AKT3: variants seen among roughly 807,000 people sequenced by gnomAD.
AKT3 encodes AKT serine/threonine kinase 3, also known as RAC-gamma serine/threonine-protein kinase.
In AKT3, 15 loss-of-function variants were observed where a neutral mutation model predicts 65.3. The ratio of observed to expected loss-of-function variants is 0.23; its 90% CI spans 0.15 to 0.35. The LOEUF is 0.35. Ranked by LOEUF, AKT3 falls within the 10% of genes least tolerant of loss-of-function variation. AKT3 has a pLI of 1.00. For missense variants in AKT3, 243 were observed against 576.5 expected (o/e 0.42, Z 5.92); for synonymous variants, 206 against 183.8 (o/e 1.12, Z -0.98).
intron 6 of AKT3, among the ~76,000 whole-genome samples, chr1:243,635,913 T>C (rs1679939347): frequency 6.6e-6 from 1 of 152,046 alleles, no homozygotes; most frequent in African/African-American, 2.4e-5. Flanking sequence ...ATATTTTCTT[T>C]CAAGAAACGA....
intron 2 of AKT3, among the ~76,000 whole-genome samples, chr1:243,737,826 A>G (rs1386163583): frequency 6.6e-6 from 1 of 152,212 alleles, no homozygotes; most frequent in Non-Finnish European, 1.5e-5. Context: ...TCTAATCTAG[A>G]ATAAAAATCA....
intron 2 of AKT3, among the ~76,000 whole-genome samples, chr1:243,712,889 C>G (rs1481825399): frequency 6.6e-6 from 1 of 152,104 alleles, no homozygotes; most frequent in African/African-American, 2.4e-5. Context: ...AAATATACAA[C>G]CAACTCATTA....
At chr1:243,690,554 A>G (rs1453218121) in intron 3 of AKT3, among the ~76,000 whole-genome samples, 2 of 152,150 alleles carry the variant, frequency 1.3e-5, no homozygotes, top group East Asian at 3.8e-4. Context: ...CCTATATATT[A>G]ATAGTTCTTA....
chr1:243,825,241 G>A (rs939783795), intron 2 of AKT3, among the ~76,000 whole-genome samples: 1 of 152,196 alleles, frequency 6.6e-6, no homozygotes, highest in Non-Finnish European at 1.5e-5. Context: ...AACACACACT[G>A]TGGCCTGTCA....
chr1:243,534,307 T>G (rs1242788456), intron 12 of AKT3, among the ~76,000 whole-genome samples: 2 of 152,188 alleles, frequency 1.3e-5, no homozygotes, highest in African/African-American at 2.4e-5. Context: ...TAATGATACC[T>G]GGGCCAATTC....
intron 2 of AKT3, among the ~76,000 whole-genome samples, chr1:243,761,200 A>G (rs1405183748): frequency 2.0e-5 from 3 of 152,218 alleles, no homozygotes; most frequent in East Asian, 3.9e-4. Flanking sequence ...TACTCTATGT[A>G]CAAGAAAACA....
chr1:243,496,403 T>C (rs1417366784), downstream of AKT3, among the ~76,000 whole-genome samples: 1 of 152,178 alleles, frequency 6.6e-6, no homozygotes, highest in Non-Finnish European at 1.5e-5. Context: ...AGGGCCAGCT[T>C]TGAAATGCCC....
intron 4 of AKT3, among the ~76,000 whole-genome samples, chr1:243,659,303 G>T (rs1682084743): frequency 6.6e-6 from 1 of 152,144 alleles, no homozygotes; most frequent in African/African-American, 2.4e-5. Flanking sequence ...GGGAACAGAG[G>T]TTCAGTCATG....
At chr1:243,628,412 T>C (rs1462681948) in intron 6 of AKT3, among the ~76,000 whole-genome samples, 1 of 152,036 alleles carries the variant, frequency 6.6e-6, no homozygotes, top group Non-Finnish European at 1.5e-5. Flanking sequence ...CAATCCCGCA[T>C]CTCAGCCAAA....
At chr1:243,664,346 G>C (rs1025427423) in intron 4 of AKT3, among the ~76,000 whole-genome samples, 2 of 151,208 alleles carry the variant, frequency 1.3e-5, no homozygotes, top group Admixed American at 6.6e-5. Context: ...ACAGGCGCCC[G>C]CCACCACGCC....
intron 3 of AKT3, among the ~76,000 whole-genome samples, chr1:243,688,920 T>C (rs528663984): frequency 1.9e-4 from 29 of 152,292 alleles, no homozygotes; most frequent in African/African-American, 7.0e-4. Context: ...TGCCTTCATT[T>C]GTTTGCTTAT....
At chr1:243,545,665 T>C (rs1672614231) in intron 11 of AKT3, 68 bp from the exon 12 acceptor site, 3 of 1,178,762 alleles carry the variant, frequency 2.5e-6, no homozygotes, top group Non-Finnish European at 3.7e-6. Context: ...TAACAAAAAA[T>C]ATTTTGTGAA....
rs1669508454 is a variant in AKT3, at chr1:243,503,959, A to G, written c.*1290T>C. On this transcript the variant is annotated 3_prime_UTR_variant, in exon 14 of 14. Transcript: ENST00000673466. Reference sequence around the variant, plus strand: ...GCAAACGTCAACAGCTATTTGTTTCATTAACCCCTTGGCATGCATAGTTGG... The same window carrying G: ...GCAAACGTCAACAGCTATTTGTTTCGTTAACCCCTTGGCATGCATAGTTGG... The G allele has an allele frequency of 4.4e-6, 1 of 226,260 alleles. No individual in the cohort carries two copies. Among genetic ancestry groups the G allele is most frequent in the Non-Finnish European group, 8.8e-6 (1 of 113,476 alleles). 14.0% of individuals were successfully genotyped at this position (226,260 alleles called of 1,614,324 possible).
intron 2 of AKT3, among the ~76,000 whole-genome samples, chr1:243,717,488 A>G (rs1430975656): frequency 6.6e-6 from 1 of 152,232 alleles, no homozygotes; most frequent in Non-Finnish European, 1.5e-5. Flanking sequence ...ACTAGTTCCC[A>G]CATGTCATTA....
intron 3 of AKT3, among the ~76,000 whole-genome samples, chr1:243,685,996 C>T (rs1278817636): frequency 6.6e-6 from 1 of 152,108 alleles, no homozygotes; most frequent in African/African-American, 2.4e-5. Context: ...GAGTGAACTC[C>T]TATTCACAAT....
intron 2 of AKT3, among the ~76,000 whole-genome samples, chr1:243,800,742 T>G (rs1046974713): frequency 6.7e-6 from 1 of 150,306 alleles, no homozygotes; most frequent in African/African-American, 2.4e-5. Flanking sequence ...AGAGAGATTA[T>G]GTATAATAAT....
chr1:243,678,798 T>G (rs1157331736), intron 3 of AKT3, among the ~76,000 whole-genome samples: 1 of 152,208 alleles, frequency 6.6e-6, no homozygotes, highest in African/African-American at 2.4e-5. Flanking sequence ...TGTTGGTTGT[T>G]TATGAAAGGA....
chr1:243,568,112 A>T (rs905591719), intron 9 of AKT3, among the ~76,000 whole-genome samples: 1 of 152,214 alleles, frequency 6.6e-6, no homozygotes, highest in African/African-American at 2.4e-5. Flanking sequence ...TTTACAAATG[A>T]TCTTTCTTTA....
rs1015839405 is a variant in AKT3 at position 243,563,956 on chromosome 1, A to G, written c.820-108T>C. Reference sequence around the variant, plus strand: ...GAGTAAGGTATTTTGGAAACAGGACATAGTTGTAGCTAATAGAACGCTCAG... The same window carrying G: ...GAGTAAGGTATTTTGGAAACAGGACGTAGTTGTAGCTAATAGAACGCTCAG... On this transcript the variant is annotated intron_variant, in intron 9 of 13. Transcript: ENST00000673466. 3.6e-6 allele frequency: 4 copies of G among 1,107,324 alleles called. No individual in the cohort carries two copies. The African/African-American group carries it at 4.7e-5, about 13-fold the overall frequency. 68.6% of individuals were successfully genotyped at this position (1,107,324 alleles called of 1,614,324 possible). A position where few individuals can be genotyped will look rare whatever the true frequency, so the allele number is the denominator to read the frequency against.
Sources: allele counts gnomAD v4.1 joint callset (sites outside exome capture counted in the v4.1 genomes callset), GRCh38; gene constraint gnomAD v4.1.1; transcripts MANE v1.5; gene names NCBI Gene and HGNC (gene_info 2026-07-23, HGNC 2026-07-21).